Variants in FHIT observed in about 807,000 individuals in gnomAD.
The protein encoded by FHIT is fragile histidine triad diadenosine triphosphatase, also known as bis(5'-adenosyl)-triphosphatase.
FHIT carries 19 observed loss-of-function variants against 17.9 expected under a neutral mutation model. The observed-to-expected ratio is 1.06, with a 90% CI of 0.74 to 1.56. The LOEUF (loss-of-function observed/expected upper bound fraction) is 1.56. FHIT is among the 40% of genes most tolerant of loss of function. The probability of loss-of-function intolerance (pLI) is 0.00; values close to 1 mark genes in which losing one functional copy is unlikely to be tolerated. For synonymous variants in FHIT, 81 were observed against 69.7 expected (o/e 1.16, Z -0.81); for missense variants, 248 against 189.2 (o/e 1.31, Z -1.82).
chr3:60,181,214 T>C (rs140446096), intron 5 of FHIT, among the ~76,000 whole-genome samples: 26,069 of 149,946 alleles, frequency 0.17, 2,516 homozygotes, highest in South Asian at 0.3. Flanking sequence ...GGTACAATCT[T>C]GGCTCACTAC....
intron 7 of FHIT, among the ~76,000 whole-genome samples, chr3:59,947,372 T>C (rs1706864209): frequency 6.6e-6 from 1 of 152,290 alleles, no homozygotes; most frequent in Middle Eastern, 3.4e-3. Flanking sequence ...CCCTTTGTCA[T>C]TTCTAACTTT....
chr3:60,444,221 T>C (rs951916254), intron 5 of FHIT, among the ~76,000 whole-genome samples: 3 of 152,102 alleles, frequency 2.0e-5, no homozygotes, highest in African/African-American at 4.8e-5. Flanking sequence ...TGTGGAGAAA[T>C]AGGAACACTT....
chr3:60,358,111 G>A (rs570531938), intron 5 of FHIT, among the ~76,000 whole-genome samples: 34 of 152,256 alleles, frequency 2.2e-4, no homozygotes, highest in Non-Finnish European at 3.5e-4. Context: ...GAGAAAGAAG[G>A]CAATGCACCT....
At chr3:61,204,777 C>A (rs189598815) in intron 1 of FHIT, among the ~76,000 whole-genome samples, 25 of 151,978 alleles carry the variant, frequency 1.6e-4, no homozygotes, top group Admixed American at 1.2e-3. Flanking sequence ...TTAGGCATGA[C>A]GAAAGTTAGC....
chr3:61,210,729 G>A (rs746888112), intron 1 of FHIT, among the ~76,000 whole-genome samples: 4 of 152,032 alleles, frequency 2.6e-5, no homozygotes, highest in Non-Finnish European at 4.4e-5. Flanking sequence ...CTAGGAAAGG[G>A]AATTCACTGA....
At chr3:60,787,397 T>G (rs1333890863) in intron 4 of FHIT, among the ~76,000 whole-genome samples, 1 of 152,208 alleles carries the variant, frequency 6.6e-6, no homozygotes, top group Non-Finnish European at 1.5e-5. Flanking sequence ...GGCTGGATAC[T>G]CTGTCACATG....
rs1423513781 is a variant in FHIT at position 60,668,400 on chromosome 3, A to C, written c.-17-131421T>G. ...AAAAAAAAAAAAAAAAAAAAAAATCAGCCTCCCTGAGCTGCTTCTTGTTGC... is the reference window on the plus strand; with the variant it reads ...AAAAAAAAAAAAAAAAAAAAAAATCCGCCTCCCTGAGCTGCTTCTTGTTGC... On this transcript the variant is annotated intron_variant, in intron 4 of 9. Coordinates refer to ENST00000492590, the MANE Select transcript of FHIT (RefSeq NM_002012.4). 6.6e-5 allele frequency among the ~76,000 whole-genome samples: 9 copies of C among 135,492 alleles called. No homozygotes were observed. In the South Asian group the frequency reaches 1.7e-3, roughly 25 times the overall value. The allele number at this position is 135,492 out of a possible 152,430, so 88.9% of individuals were successfully genotyped here. A position where few individuals can be genotyped will look rare whatever the true frequency, so the allele number is the denominator to read the frequency against.
intron 8 of FHIT, among the ~76,000 whole-genome samples, chr3:59,766,625 G>A (rs997422608): frequency 1.3e-5 from 2 of 152,044 alleles, no homozygotes; most frequent in African/African-American, 2.4e-5. Flanking sequence ...AAACATGTCC[G>A]CAGTAGTAAT....
At position 61,206,040 on chromosome 3, in the gene FHIT, T is replaced by C. The variant is rs930915421; in HGVS notation, c.-212-5375A>G. On this transcript the variant is annotated intron_variant, in intron 1 of 9. Coordinates refer to ENST00000492590, the MANE Select transcript of FHIT (RefSeq NM_002012.4). ...CCAGTTTCAGCTTTCTACATATGGCTGCCAGTTTTCCCAGCACCATTTATT... is the reference window on the plus strand; with the variant it reads ...CCAGTTTCAGCTTTCTACATATGGCCGCCAGTTTTCCCAGCACCATTTATT... Among the ~76,000 whole-genome samples, 7 of 103,916 alleles carry C rather than the reference T, an allele frequency of 6.7e-5. 1 individual carries two copies. The highest frequency in any genetic ancestry group is 2.2e-4 in the African/African-American group (6 of 27,384). The allele number at this position is 103,916 out of a possible 152,430, so 68.2% of individuals were successfully genotyped here.
intron 5 of FHIT, among the ~76,000 whole-genome samples, chr3:60,401,191 T>A (rs926375505): frequency 4.6e-5 from 7 of 152,216 alleles, no homozygotes; most frequent in Non-Finnish European, 8.8e-5. Context: ...AGAAGATTTT[T>A]AGTGAATTCC....
intron 8 of FHIT, among the ~76,000 whole-genome samples, chr3:59,760,495 C>T (rs956518571): frequency 6.6e-6 from 1 of 151,906 alleles, no homozygotes; most frequent in Non-Finnish European, 1.5e-5. Flanking sequence ...ATGCTATGTA[C>T]CCTATATAAA....
At chr3:60,159,422 A>G (rs1218263598) in intron 5 of FHIT, among the ~76,000 whole-genome samples, 1 of 152,116 alleles carries the variant, frequency 6.6e-6, no homozygotes, top group Non-Finnish European at 1.5e-5. Flanking sequence ...TGCCCAGCCG[A>G]TGTGTGTTTT....
intron 5 of FHIT, among the ~76,000 whole-genome samples, chr3:60,358,964 A>C (rs1699785735): frequency 6.6e-6 from 1 of 152,164 alleles, no homozygotes; most frequent in African/African-American, 2.4e-5. Flanking sequence ...TGTCTATAGG[A>C]GGTGTTGAGG....
At chr3:60,626,942 T>C (rs2039305415) in intron 4 of FHIT, among the ~76,000 whole-genome samples, 1 of 152,260 alleles carries the variant, frequency 6.6e-6, no homozygotes, top group East Asian at 1.9e-4. Flanking sequence ...TCTATGTCTA[T>C]TGATATAATC....
In FHIT at chr3:60,863,336, A is replaced by AGC. The variant is rs1704007114; in HGVS notation, c.-110-41327_-110-41326dup. ...TTCTGCAGTCTCCAGTAAGAAACAC[A>AGC]GCGCTGCTGATACCTCGATTTTAGC... is the stretch of plus-strand genomic sequence containing the variant. On this transcript the variant is annotated intron_variant, in intron 3 of 9. Coordinates refer to ENST00000492590, the MANE Select transcript of FHIT (RefSeq NM_002012.4). Among the ~76,000 whole-genome samples, 8 of 152,328 alleles carry AGC rather than the reference A, an allele frequency of 5.3e-5. No individual in the cohort carries two copies. In the South Asian group the frequency reaches 1.5e-3, roughly 28 times the overall value.
At chr3:61,020,476 A>G (rs907759708) in intron 3 of FHIT, among the ~76,000 whole-genome samples, 1 of 152,060 alleles carries the variant, frequency 6.6e-6, no homozygotes, top group Non-Finnish European at 1.5e-5. Context: ...ATTTTCTCCC[A>G]TTCTGTAGGT....
chr3:60,830,132 C>A (rs966590066), intron 3 of FHIT, among the ~76,000 whole-genome samples: 9 of 152,138 alleles, frequency 5.9e-5, no homozygotes, highest in Non-Finnish European at 7.4e-5. Flanking sequence ...TGAGCCTGAT[C>A]TCAAAGCCAC....
intron 3 of FHIT, among the ~76,000 whole-genome samples, chr3:60,930,204 C>T (rs1318605972): frequency 1.3e-5 from 2 of 152,028 alleles, no homozygotes; most frequent in Non-Finnish European, 2.9e-5. Context: ...ATACCTTATA[C>T]AAAAATTAAT....
intron 4 of FHIT, among the ~76,000 whole-genome samples, chr3:60,564,249 A>C (rs2037054605): frequency 6.6e-6 from 1 of 152,166 alleles, no homozygotes; most frequent in Non-Finnish European, 1.5e-5. Flanking sequence ...CCCCCTCTTG[A>C]GACCTACTGC....
Sources: gnomAD v4.1 joint callset for allele counts (sites outside exome capture counted in the v4.1 genomes callset) on GRCh38, gnomAD v4.1.1 for gene constraint, MANE v1.5 for transcripts, NCBI Gene and HGNC (gene_info 2026-07-23, HGNC 2026-07-21) for gene names.